STAM2: variants seen among roughly 807,000 people sequenced by gnomAD.
STAM2 encodes the protein signal transducing adaptor molecule 2.
A neutral mutation model predicts 65.6 loss-of-function variants in STAM2; 51 were observed. The observed-to-expected ratio is 0.78, with a 90% confidence interval of 0.62 to 0.98. The LOEUF (loss-of-function observed/expected upper bound fraction) is 0.98. STAM2 is among the 50% of genes least tolerant of loss of function. The pLI is 0.00. For synonymous variants in STAM2, 198 were observed against 208.4 expected (o/e 0.95, Z 0.43); for missense variants, 584 against 617.8 (o/e 0.95, Z 0.58).
chr2:152,173,517 C>T (rs1689943552), intron 1 of STAM2, among the ~76,000 whole-genome samples: 1 of 151,888 alleles, frequency 6.6e-6, no homozygotes, highest in Admixed American at 6.6e-5. Context: ...CTGCCTCAGC[C>T]TCCCCAGTAG....
At chr2:152,135,457 T>C in intron 8 of STAM2, 52 bp downstream of exon 8, 1 of 1,265,826 alleles carries the variant, frequency 7.9e-7, no homozygotes, top group Non-Finnish European at 1.1e-6. Context: ...AAACATAAAA[T>C]TTAAGTGAAA....
At chr2:152,175,513 C>A (rs1378535484) in intron 1 of STAM2, 90 bp downstream of exon 1, 2 of 1,536,250 alleles carry the variant, frequency 1.3e-6, no homozygotes, top group African/African-American at 1.4e-5. Flanking sequence ...GCTTCCTAGT[C>A]CCCGGAGTCG....
chr2:152,161,344 AGGGACACAAACACTGC>A (rs1244864036), intron 1 of STAM2, among the ~76,000 whole-genome samples: 2 of 151,202 alleles, frequency 1.3e-5, no homozygotes, highest in Non-Finnish European at 1.5e-5. Context: ...TCAAGTACCC[AGGGACACAAACACTGC>A]GGAAGGCTGC....
At chr2:152,148,518 A>C (rs1429633781) in intron 2 of STAM2, among the ~76,000 whole-genome samples, 1 of 152,158 alleles carries the variant, frequency 6.6e-6, no homozygotes, top group Non-Finnish European at 1.5e-5. Flanking sequence ...AAAAACTTAA[A>C]AATTAGCTGG....
At chr2:152,171,397 A>G in intron 1 of STAM2, among the ~76,000 whole-genome samples, 1 of 143,596 alleles carries the variant, frequency 7.0e-6, no homozygotes, top group Non-Finnish European at 1.5e-5. Flanking sequence ...CTTATTCAAA[A>G]CCAAAAAACT....
At chr2:152,159,732 CACAGTCTCCCTCTCCCT>C (rs1322449850) in intron 1 of STAM2, among the ~76,000 whole-genome samples, 1 of 152,002 alleles carries the variant, frequency 6.6e-6, no homozygotes, top group African/African-American at 2.4e-5. Flanking sequence ...TCCCTCTCCC[CACAGTCTCCCTCTCCCT>C]CTCTTTCCAC....
intron 7 of STAM2, among the ~76,000 whole-genome samples, chr2:152,143,340 G>GTAT (rs1483975390): frequency 6.6e-6 from 1 of 152,164 alleles, no homozygotes; most frequent in Non-Finnish European, 1.5e-5. Context: ...GTACAGAACA[G>GTAT]TATTAAGCTC....
intron 1 of STAM2, among the ~76,000 whole-genome samples, chr2:152,167,261 C>T (rs1689805086): frequency 6.6e-6 from 1 of 152,188 alleles, no homozygotes; most frequent in African/African-American, 2.4e-5. Context: ...CATAACAGGT[C>T]TCCATGGTGA....
intron 3 of STAM2, 23 bp downstream of exon 3, chr2:152,148,199 CAAA>C (rs1350641459): frequency 6.3e-7 from 1 of 1,599,266 alleles, no homozygotes. Context: ...AAATTTGCGT[CAAA>C]TAATAACATG....
At chr2:152,162,856 C>T (rs1399164482) in intron 1 of STAM2, among the ~76,000 whole-genome samples, 1 of 151,188 alleles carries the variant, frequency 6.6e-6, no homozygotes, top group African/African-American at 2.4e-5. Context: ...AAGGTTTCAC[C>T]ATGTTGGTCA....
At position 152,148,088 on chromosome 2, in the gene STAM2, A is replaced by C. The variant is rs78236405; in HGVS notation, c.236T>G (p.Ile79Arg). 6.2e-7 allele frequency: 1 copy of C among 1,611,188 alleles called. No individual in the cohort carries two copies. The highest frequency in any genetic ancestry group is 2.2e-5 in the East Asian group (1 of 44,746). The change falls in exon 4 of 14, where the codon ATA becomes AGA. Residue 79 changes from isoleucine to arginine, a missense_variant. Coordinates refer to ENST00000263904, the MANE Select transcript of STAM2 (RefSeq NM_005843.6). ...ACGGGAACATACTTCTAAATGAAAT[A>C]TCTTTCCACAGTTTGCCACACAAGC... ...LGACVANCGK[I>R]FHLEVCSRDF...
At position 152,118,129 on chromosome 2, in the gene STAM2, A is replaced by G. The variant is rs1688783392; in HGVS notation, c.*2445T>C. On this transcript the variant is annotated 3_prime_UTR_variant, in exon 14 of 14. Coordinates refer to ENST00000263904, the MANE Select transcript of STAM2 (RefSeq NM_005843.6). ...GATTTCATATGAAAAAGCAGAAGCTATTTTTTTATTTCTGATATAAAACAG... is the reference window on the plus strand; with the variant it reads ...GATTTCATATGAAAAAGCAGAAGCTGTTTTTTTATTTCTGATATAAAACAG... The G allele has an allele frequency of 6.6e-6, 1 of 152,020 alleles. No individual in the cohort carries two copies. Among genetic ancestry groups the G allele is most frequent in the African/African-American group, 2.4e-5 (1 of 41,426 alleles). The allele number at this position is 152,020 out of a possible 1,614,324, so 9.4% of individuals were successfully genotyped here.
At chr2:152,144,784 A>G in intron 6 of STAM2, 104 bp downstream of exon 6, 1 of 865,936 alleles carries the variant, frequency 1.2e-6, no homozygotes, top group South Asian at 1.4e-5. Flanking sequence ...TGATCTGCCC[A>G]CTTCGGCCTC....
chr2:152,136,221 T>A (rs1008491125), intron 7 of STAM2, among the ~76,000 whole-genome samples: 4 of 151,992 alleles, frequency 2.6e-5, no homozygotes, highest in Admixed American at 6.6e-5. Context: ...GGCGAGTGGA[T>A]CACCTGAGGT....
At chr2:152,160,863 G>A (rs1391417822) in intron 1 of STAM2, among the ~76,000 whole-genome samples, 13 of 150,540 alleles carry the variant, frequency 8.6e-5, no homozygotes, top group African/African-American at 1.5e-4. Context: ...CGCCCCGTCC[G>A]GGAGGGAGGT....
At chr2:152,164,063 T>A (rs1485260180) in intron 1 of STAM2, among the ~76,000 whole-genome samples, 1 of 152,140 alleles carries the variant, frequency 6.6e-6, no homozygotes, top group Admixed American at 6.5e-5. Flanking sequence ...CCCCCTCCCC[T>A]TTTGAAATCC....
chr2:152,175,499 C>G, intron 1 of STAM2, 104 bp downstream of exon 1: 4 of 1,482,544 alleles, frequency 2.7e-6, no homozygotes, highest in Non-Finnish European at 3.7e-6. Context: ...CCTCCCTTCG[C>G]TTTGCTTCCT....
At chr2:152,128,771 T>C (rs1291676087) in intron 11 of STAM2, among the ~76,000 whole-genome samples, 1 of 152,232 alleles carries the variant, frequency 6.6e-6, no homozygotes, top group African/African-American at 2.4e-5. Context: ...TCAATTTACA[T>C]GTTTACTCAA....
chr2:152,130,635 A>G (rs1028202936), intron 11 of STAM2, among the ~76,000 whole-genome samples: 3 of 151,610 alleles, frequency 2.0e-5, no homozygotes, highest in Admixed American at 1.3e-4. Flanking sequence ...AGGCAGGAAG[A>G]TCACTTGAGG....
Sources: allele counts gnomAD v4.1 joint callset (sites outside exome capture counted in the v4.1 genomes callset), GRCh38; gene constraint gnomAD v4.1.1; transcripts MANE v1.5; gene names NCBI Gene and HGNC (gene_info 2026-07-23, HGNC 2026-07-21).